The following GLRX2 variants were observed in gnomAD, a reference collection of about 807,000 sequenced individuals.
GLRX2 encodes bA101E13.1 (GRX2 glutaredoxin (thioltransferase) 2).
GLRX2 carries 12 observed loss-of-function variants against 16.4 expected under a neutral mutation model. The observed-to-expected ratio is 0.73, with a 90% CI of 0.47 to 1.19. GLRX2 has a LOEUF of 1.19. Ranked by LOEUF, GLRX2 falls within the 50% of genes most tolerant of loss-of-function variation. The pLI is 0.00. For missense variants in GLRX2, 201 were observed against 201.8 expected (o/e 1.00, Z 0.02); for synonymous variants, 95 against 76.2 (o/e 1.25, Z -1.28).
In GLRX2 at chr1:193,105,387, A is replaced by C. The variant is rs764173329; in HGVS notation, c.-5T>G. The stretch of plus-strand genomic sequence containing the variant: ...CGCCGCGCGGCGCCAAATCATGGTC[A>C]GAGCCCGGATCTGCAGCGAGCTCTA... On this transcript the variant is annotated 5_prime_UTR_variant, in exon 1 of 4. Transcript: ENST00000367439. 8 of 1,538,972 alleles carry C rather than the reference A, an allele frequency of 5.2e-6. No homozygotes were observed. The highest frequency in any genetic ancestry group is 6.9e-6 in the Non-Finnish European group (8 of 1,153,252).
At chr1:193,102,281 A>C (rs1428470383) in intron 1 of GLRX2, among the ~76,000 whole-genome samples, 1 of 152,150 alleles carries the variant, frequency 6.6e-6, no homozygotes, top group East Asian at 1.9e-4. Flanking sequence ...TGTAAACATA[A>C]AGCTACTTTT....
Position 193,100,472 on chromosome 1 carries a change from T to TCAAAA in GLRX2, c.183+664_183+668dup, listed in dbSNP as rs777632167. 2.0e-4 allele frequency among the ~76,000 whole-genome samples: 31 copies of TCAAAA among 152,180 alleles called. No individual in the cohort carries two copies. In the East Asian group the frequency reaches 2.3e-3, roughly 11 times the overall value. On this transcript the variant is annotated intron_variant, in intron 2 of 3. Coordinates refer to ENST00000367439, the MANE Select transcript of GLRX2 (RefSeq NM_197962.3). ...CTGGGCAACAGAGCGAGACGCTGCCTCAAAACAAAACAAAACAAACAAATA... is the reference window on the plus strand; with the variant it reads ...CTGGGCAACAGAGCGAGACGCTGCCTCAAAACAAAACAAAACAAAACAAACAAATA...
rs1159113736 is a variant in GLRX2, at chr1:193,101,181, G to C, written c.143C>G (p.Ser48Cys). 2.5e-6 allele frequency: 4 copies of C among 1,608,444 alleles called. No homozygotes were observed. The highest frequency in any genetic ancestry group is 2.6e-6 in the Non-Finnish European group (3 of 1,174,922). Residue 48 changes from serine to cysteine, a missense_variant, in exon 2 of 4, where the codon TCT becomes TGT. Coordinates refer to ENST00000367439, the MANE Select transcript of GLRX2 (RefSeq NM_197962.3). ...AGGCGCCGTCGCTAAATTCTCCAAA[G>C]ATGATGATGTATTGCTCTCCATCCT... ...ASGMESNTSS[S>C]LENLATAPVN...
chr1:193,098,669 A>T (rs1227795200), intron 2 of GLRX2, among the ~76,000 whole-genome samples: 1 of 152,068 alleles, frequency 6.6e-6, no homozygotes. Context: ...CTCATGCCTC[A>T]GCCTCCCGAG....
chr1:193,098,277 A>C (rs1168445272), intron 2 of GLRX2, among the ~76,000 whole-genome samples: 14 of 152,120 alleles, frequency 9.2e-5, no homozygotes. Context: ...ACAGTGGCTC[A>C]TACCTGTAAT....
At position 193,101,149 on chromosome 1, in the gene GLRX2, G is replaced by GGTTCACAGGCGCCGTCGCTAC; in HGVS notation, c.174_175insGTAGCGACGGCGCCTGTGAAC (p.Asn58_Gln59insValAlaThrAlaProValAsn). On this transcript the variant is annotated inframe_insertion, in exon 2 of 4. Transcript: ENST00000367439. ...TCTCCCACATCACTCACTTGGATCT[G>GGTTCACAGGCGCCGTCGCTAC]GTTCACAGGCGCCGTCGCTAAATTC... The GGTTCACAGGCGCCGTCGCTAC allele has an allele frequency of 6.2e-7, 1 of 1,608,386 alleles. No homozygotes were observed. Among genetic ancestry groups the GGTTCACAGGCGCCGTCGCTAC allele is most frequent in the Non-Finnish European group, 8.5e-7 (1 of 1,174,930 alleles).
At chr1:193,103,723 G>T (rs535127193) in intron 1 of GLRX2, among the ~76,000 whole-genome samples, 103 of 152,110 alleles carry the variant, frequency 6.8e-4, no homozygotes, top group Non-Finnish European at 1.3e-3. Flanking sequence ...TAAGAGACAG[G>T]AATTAAACAT....
intron 1 of GLRX2, among the ~76,000 whole-genome samples, chr1:193,104,127 G>A (rs1675134820): frequency 6.6e-6 from 1 of 152,186 alleles, no homozygotes; most frequent in Non-Finnish European, 1.5e-5. Context: ...GAACACAAGA[G>A]AATGTTTTCT....
Position 193,096,662 on chromosome 1 carries a change from CACTG to C in GLRX2, c.454_457del (p.Gln152ValfsTer3), listed in dbSNP as rs1417043718. 3 of 1,595,882 alleles carry C rather than the reference CACTG, an allele frequency of 1.9e-6. No individual in the cohort carries two copies. The highest frequency in any genetic ancestry group is 2.6e-6 in the Non-Finnish European group (3 of 1,164,784). ...TTTCCTCTTACTTTTTTTTAAATAA[CACTG>C]ATGAACTAGTGGGAGCAATTTTCCT... On this transcript the variant is annotated frameshift_variant, in exon 4 of 4. Transcript: ENST00000367439. LOFTEE classifies it high-confidence loss of function.
intron 1 of GLRX2, among the ~76,000 whole-genome samples, chr1:193,101,985 T>C (rs1675086284): frequency 6.6e-6 from 1 of 152,176 alleles, no homozygotes; most frequent in African/African-American, 2.4e-5. Flanking sequence ...TCCACTCATC[T>C]TTCTTGGTCA....
In GLRX2 at chr1:193,101,210, A is replaced by G; in HGVS notation, c.120-6T>C. On this transcript the variant is annotated splice_region_variant and splice_polypyrimidine_tract_variant and intron_variant, in intron 1 of 3. Transcript: ENST00000367439. ...ATGATGTATTGCTCTCCATCCTAAA[A>G]GGAATTTAAGAGAACAATGTAGTTT... The G allele has an allele frequency of 6.3e-7, 1 of 1,574,852 alleles. No individual in the cohort carries two copies. Among genetic ancestry groups the G allele is most frequent in the Non-Finnish European group, 8.7e-7 (1 of 1,144,430 alleles).
At chr1:193,103,584 G>A (rs1018429087) in intron 1 of GLRX2, among the ~76,000 whole-genome samples, 10 of 152,030 alleles carry the variant, frequency 6.6e-5, no homozygotes, top group African/African-American at 1.7e-4. Flanking sequence ...ACTATCCGAG[G>A]TTTTAGGCAT....
upstream of GLRX2, chr1:193,106,100 G>A: frequency 1.1e-6 from 1 of 898,610 alleles, no homozygotes; most frequent in African/African-American, 1.8e-5. Context: ...ACTCAGTGGT[G>A]GTAATAATAG....
chr1:193,098,502 C>G (rs147357550), intron 2 of GLRX2, among the ~76,000 whole-genome samples: 8 of 152,164 alleles, frequency 5.3e-5, no homozygotes, highest in African/African-American at 1.9e-4. Flanking sequence ...CTGAGGAACA[C>G]AGTAAGTGGA....
At chr1:193,096,829 C>T (rs766474479) in intron 3 of GLRX2, 70 bp from the exon 4 acceptor site, 20 of 1,205,994 alleles carry the variant, frequency 1.7e-5, no homozygotes, top group South Asian at 3.1e-5. Context: ...CACATAATAA[C>T]GAGACATTTG....
At chr1:193,104,344 C>T (rs143132478) in intron 1 of GLRX2, among the ~76,000 whole-genome samples, 67 of 152,262 alleles carry the variant, frequency 4.4e-4, no homozygotes, top group African/African-American at 1.3e-3. Flanking sequence ...ATTTATGGAG[C>T]GCCTACTGTG....
intron 2 of GLRX2, among the ~76,000 whole-genome samples, chr1:193,098,079 A>G (rs772953928): frequency 3.5e-4 from 53 of 152,184 alleles, no homozygotes; most frequent in Non-Finnish European, 6.0e-4. Context: ...TTTAAACCTC[A>G]CTACAATCCT....
chr1:193,101,777 C>T (rs985662589), intron 1 of GLRX2, among the ~76,000 whole-genome samples: 2 of 152,188 alleles, frequency 1.3e-5, no homozygotes, highest in South Asian at 4.1e-4. Context: ...ATAGTAAATG[C>T]TCAATAATGT....
intron 2 of GLRX2, among the ~76,000 whole-genome samples, chr1:193,098,500 C>T (rs1675004714): frequency 6.6e-6 from 1 of 152,074 alleles, no homozygotes; most frequent in Non-Finnish European, 1.5e-5. Context: ...GCCTGAGGAA[C>T]ACAGTAAGTG....
Sources: allele counts gnomAD v4.1 joint callset (sites outside exome capture counted in the v4.1 genomes callset), GRCh38; gene constraint gnomAD v4.1.1; transcripts MANE v1.5; gene names NCBI Gene and HGNC (gene_info 2026-07-23, HGNC 2026-07-21).